ZNF385D: variants seen among roughly 807,000 people sequenced by gnomAD.
ZNF385D encodes zinc finger protein 385D.
A neutral mutation model predicts 35.8 loss-of-function variants in ZNF385D; 15 were observed. The observed-to-expected ratio is 0.42, with a 90% CI of 0.28 to 0.64. The LOEUF (loss-of-function observed/expected upper bound fraction) is 0.64, where lower values mean the gene tolerates loss of function less well. ZNF385D is among the 30% of genes least tolerant of loss of function. ZNF385D has a pLI of 0.23. For missense variants in ZNF385D, 474 were observed against 494.6 expected (o/e 0.96, Z 0.39); for synonymous variants, 212 against 186.8 (o/e 1.13, Z -1.10).
At chr3:22,317,287 A>C (rs1173564170) in intron 2 of ZNF385D, among the ~76,000 whole-genome samples, 7 of 148,642 alleles carry the variant, frequency 4.7e-5, no homozygotes, top group Non-Finnish European at 1.0e-4. Context: ...CTCCAAAAAA[A>C]AAAAAAAAAA....
intron 3 of ZNF385D, among the ~76,000 whole-genome samples, chr3:21,946,457 TTTTC>T (rs1254613082): frequency 1.4e-5 from 2 of 139,014 alleles, no homozygotes; most frequent in African/African-American, 5.5e-5. Flanking sequence ...TTTTTGAAGT[TTTTC>T]TTTGTTTCTC....
chr3:21,685,946 C>G (rs1323498025), intron 1 of ZNF385D, among the ~76,000 whole-genome samples: 3 of 151,926 alleles, frequency 2.0e-5, no homozygotes, highest in Non-Finnish European at 4.4e-5. Flanking sequence ...ATGGGTGAAC[C>G]GGGAAAGAAG....
intron 3 of ZNF385D, among the ~76,000 whole-genome samples, chr3:21,970,903 T>G (rs1187502240): frequency 6.6e-6 from 1 of 150,864 alleles, no homozygotes; most frequent in African/African-American, 2.4e-5. Flanking sequence ...CAGGAGAGAG[T>G]GGCAGGGCAT....
chr3:21,833,749 G>A (rs1695149275), intron 3 of ZNF385D, among the ~76,000 whole-genome samples: 1 of 152,102 alleles, frequency 6.6e-6, no homozygotes, highest in African/African-American at 2.4e-5. Flanking sequence ...AGAAATGAAG[G>A]ACAATAACCC....
At chr3:22,046,526 G>C (rs1269768920) in intron 3 of ZNF385D, among the ~76,000 whole-genome samples, 1 of 152,102 alleles carries the variant, frequency 6.6e-6, no homozygotes, top group Non-Finnish European at 1.5e-5. Context: ...AATGTTTTAA[G>C]AGCTACCACT....
chr3:21,819,693 T>C (rs2073310982), intron 3 of ZNF385D, among the ~76,000 whole-genome samples: 1 of 146,678 alleles, frequency 6.8e-6, no homozygotes, highest in African/African-American at 2.5e-5. Flanking sequence ...TATGTGTACG[T>C]GTGTATATAT....
intron 3 of ZNF385D, among the ~76,000 whole-genome samples, chr3:22,128,408 G>C (rs1344095572): frequency 1.3e-5 from 2 of 152,008 alleles, no homozygotes; most frequent in East Asian, 3.9e-4. Flanking sequence ...TAACCTTCTT[G>C]TAGCTGAATA....
At chr3:22,239,508 C>T (rs962701349) in intron 2 of ZNF385D, among the ~76,000 whole-genome samples, 1 of 148,838 alleles carries the variant, frequency 6.7e-6, no homozygotes, top group Non-Finnish European at 1.5e-5. Context: ...ACACATACTA[C>T]CACATATACA....
intron 3 of ZNF385D, among the ~76,000 whole-genome samples, chr3:21,798,083 T>C (rs1346697414): frequency 6.6e-6 from 1 of 152,148 alleles, no homozygotes; most frequent in Non-Finnish European, 1.5e-5. Context: ...AATGTACCTC[T>C]CTGGTGGGGG....
chr3:22,277,410 G>A (rs908833458), intron 2 of ZNF385D, among the ~76,000 whole-genome samples: 2 of 152,016 alleles, frequency 1.3e-5, no homozygotes, highest in Non-Finnish European at 2.9e-5. Flanking sequence ...AATCATAAAG[G>A]CAACAATTCA....
chr3:22,083,265 TC>T lies in ZNF385D; in HGVS notation c.325+85551del, dbSNP rs1700851379. On this transcript the variant is annotated intron_variant, in intron 3 of 5. Coordinates refer to the ZNF385D transcript ENST00000494108. ...GTTGACAGAAGTAGGCTTCAGAAGGTCGGTAATAACAAACTTCTCCGAGCTA... is the reference window on the plus strand; with the variant it reads ...GTTGACAGAAGTAGGCTTCAGAAGGTGGTAATAACAAACTTCTCCGAGCTA... 2.6e-5 allele frequency among the ~76,000 whole-genome samples: 4 copies of T among 151,748 alleles called. No homozygotes were observed. The South Asian group carries it at 8.3e-4, about 32-fold the overall frequency.
chr3:22,319,934 A>G (rs1239375169), intron 2 of ZNF385D, among the ~76,000 whole-genome samples: 1 of 152,128 alleles, frequency 6.6e-6, no homozygotes, highest in Non-Finnish European at 1.5e-5. Context: ...TTATCATAAA[A>G]CATCTTACTA....
intron 3 of ZNF385D, among the ~76,000 whole-genome samples, chr3:21,787,224 C>A (rs1012904976): frequency 6.6e-6 from 1 of 152,040 alleles, no homozygotes; most frequent in Non-Finnish European, 1.5e-5. Context: ...ATCCTCTAAT[C>A]GCTCAATGAT....
At chr3:22,138,398 A>G (rs1486112707) in intron 3 of ZNF385D, among the ~76,000 whole-genome samples, 7 of 152,178 alleles carry the variant, frequency 4.6e-5, no homozygotes, top group East Asian at 3.9e-4. Context: ...GAGGCATCAC[A>G]CTACCTGACT....
At chr3:22,192,757 G>T (rs927296128) in intron 2 of ZNF385D, among the ~76,000 whole-genome samples, 1 of 152,074 alleles carries the variant, frequency 6.6e-6, no homozygotes, top group Non-Finnish European at 1.5e-5. Flanking sequence ...TTGTTCTTCA[G>T]CCCAGTCAAG....
intron 2 of ZNF385D, among the ~76,000 whole-genome samples, chr3:21,607,845 G>C (rs996932375): frequency 1.3e-5 from 2 of 152,016 alleles, no homozygotes; most frequent in Non-Finnish European, 2.9e-5. Flanking sequence ...CCATGTCCCT[G>C]ATAGCTTTCT....
At chr3:21,735,754 T>C (rs1348870359) in intron 1 of ZNF385D, among the ~76,000 whole-genome samples, 2 of 152,224 alleles carry the variant, frequency 1.3e-5, no homozygotes, top group African/African-American at 4.8e-5. Flanking sequence ...AGACAGCAGG[T>C]AATTGGAGAA....
intron 3 of ZNF385D, among the ~76,000 whole-genome samples, chr3:21,560,360 T>C (rs1232291582): frequency 6.6e-6 from 1 of 152,182 alleles, no homozygotes; most frequent in Non-Finnish European, 1.5e-5. Context: ...ACTTCCTTTT[T>C]GTTGATGTTG....
At chr3:22,164,371 G>C (rs924303851) in intron 3 of ZNF385D, among the ~76,000 whole-genome samples, 1 of 151,676 alleles carries the variant, frequency 6.6e-6, no homozygotes, top group African/African-American at 2.4e-5. Context: ...TGGGACTACA[G>C]GCATGCGCCA....
Sources: gnomAD v4.1 joint callset for allele counts (sites outside exome capture counted in the v4.1 genomes callset) on GRCh38, gnomAD v4.1.1 for gene constraint, MANE v1.5 for transcripts, NCBI Gene and HGNC (gene_info 2026-07-23, HGNC 2026-07-21) for gene names.